FRAS1: variants seen among roughly 807,000 people sequenced by gnomAD.
FRAS1 encodes extracellular matrix organizing protein FRAS1.
Under a neutral mutation model 435.2 loss-of-function variants are expected in FRAS1, and 290 were observed. That is an observed-to-expected ratio of 0.67 (90% CI 0.61 to 0.73). The LOEUF (loss-of-function observed/expected upper bound fraction) is 0.73. Ranked by LOEUF, FRAS1 falls within the 30% of genes least tolerant of loss-of-function variation. The pLI is 0.00. For synonymous variants in FRAS1, 1,800 were observed against 1,851.0 expected (o/e 0.97, Z 0.71); for missense variants, 4,860 against 5,001.5 (o/e 0.97, Z 0.85).
At chr4:78,263,865 A>C (rs1378240) in intron 6 of FRAS1, among the ~76,000 whole-genome samples, 146,401 of 152,284 alleles carry the variant, frequency 0.96, 70,616 homozygotes, top group East Asian at 1. Context: ...ATACATGAAT[A>C]CAACTGATCA....
intron 24 of FRAS1, 24 bp from the exon 25 acceptor site, chr4:78,374,087 G>C: frequency 6.4e-7 from 1 of 1,552,452 alleles, no homozygotes; most frequent in Non-Finnish European, 8.8e-7. Flanking sequence ...ACAGATTCCT[G>C]ATGACTTGAC....
chr4:78,298,403 T>C (rs1459860249), intron 14 of FRAS1, among the ~76,000 whole-genome samples: 1 of 151,962 alleles, frequency 6.6e-6, no homozygotes, highest in Non-Finnish European at 1.5e-5. Flanking sequence ...CACAATACAA[T>C]TTATTTTAAA....
At chr4:78,516,183 GA>G (rs1335205353) in intron 66 of FRAS1, among the ~76,000 whole-genome samples, 170 bp downstream of exon 66, 1 of 152,184 alleles carries the variant, frequency 6.6e-6, no homozygotes, top group Non-Finnish European at 1.5e-5. Context: ...TGAAGCTAGA[GA>G]AGGCCCCCAA....
chr4:78,543,231 G>A lies in FRAS1; in HGVS notation c.*2107G>A, dbSNP rs1722109975. On this transcript the variant is annotated 3_prime_UTR_variant, in exon 74 of 74. Coordinates refer to ENST00000512123, the MANE Select transcript of FRAS1 (RefSeq NM_025074.7). ...CTGGAGAGCTGATCAGCCAGGCACA[G>A]AATCTCCAGAACAACCTAGAGAGTG... The A allele has an allele frequency of 6.6e-6, 1 of 152,206 alleles. No individual in the cohort carries two copies. The highest frequency in any genetic ancestry group is 2.1e-4 in the South Asian group (1 of 4,828). 9.4% of individuals were successfully genotyped at this position (152,206 alleles called of 1,614,324 possible).
chr4:78,099,167 G>A lies in FRAS1; in HGVS notation c.108+33151G>A, dbSNP rs187171860. ...GGAGAGGGGGGGCCATGGGGTGATC[G>A]AGGAAGAGCTGGTGGCCTGTGCATC... On this transcript the variant is annotated intron_variant, in intron 2 of 73. Coordinates refer to ENST00000512123, the MANE Select transcript of FRAS1 (RefSeq NM_025074.7). 2.8e-4 allele frequency among the ~76,000 whole-genome samples: 43 copies of A among 152,316 alleles called. No individual in the cohort carries two copies. The East Asian group carries it at 7.5e-3, about 27-fold the overall frequency.
At position 78,473,378 on chromosome 4, in the gene FRAS1, A is replaced by G. The variant is rs1242507212; in HGVS notation, c.7523-60A>G. On this transcript the variant is annotated intron_variant, in intron 52 of 73. Transcript: ENST00000512123. ...AATAAACTAGGTTTGTTGGTGTGGT[A>G]ATCTATGAAGCTGTCGTTACATCCC... 2.2e-6 allele frequency: 3 copies of G among 1,375,854 alleles called. No homozygotes were observed. The African/African-American group carries it at 4.3e-5, about 20-fold the overall frequency. The allele number at this position is 1,375,854 out of a possible 1,614,324, so 85.2% of individuals were successfully genotyped here. A position where few individuals can be genotyped will look rare whatever the true frequency, so the allele number is the denominator to read the frequency against.
At chr4:78,177,650 C>A (rs1324629195) in intron 2 of FRAS1, among the ~76,000 whole-genome samples, 1 of 152,154 alleles carries the variant, frequency 6.6e-6, no homozygotes, top group Non-Finnish European at 1.5e-5. Flanking sequence ...TCTGCCAGCT[C>A]TACTTGAGAT....
In FRAS1 at chr4:78,364,038, C is replaced by T; in HGVS notation, c.2706C>T (p.Asp902=). The change falls in exon 22 of 74, where the codon GAC becomes GAT. Residue 902 remains aspartate, a synonymous_variant. Coordinates refer to ENST00000512123, the MANE Select transcript of FRAS1 (RefSeq NM_025074.7). The part of the protein sequence containing the change: ...TTCFPGHYLD[D]NHVCQPCNTH... ...GCTTCCCTGGGCACTATCTTGATGA[C>T]AATCATGTTTGCCAGCGTAGGTTTT... 6.3e-7 allele frequency: 1 copy of T among 1,592,308 alleles called. No individual in the cohort carries two copies. Among genetic ancestry groups the T allele is most frequent in the Non-Finnish European group, 8.6e-7 (1 of 1,168,822 alleles).
chr4:78,057,704 T>C lies in FRAS1; in HGVS notation c.-306T>C. Reference sequence around the variant, plus strand: ...TGACCAGCAACTTTCCGGCGAGATTTTGACGCGGAGAACTGTGCTCTGCCT... The same window carrying C: ...TGACCAGCAACTTTCCGGCGAGATTCTGACGCGGAGAACTGTGCTCTGCCT... On this transcript the variant is annotated 5_prime_UTR_variant, in exon 1 of 74. Transcript: ENST00000512123. This position sits in a 1 kb window ranked among gnomAD's most constrained non-coding sequence, Gnocchi z 4.2. 1 of 431,340 alleles carries C rather than the reference T, an allele frequency of 2.3e-6. No homozygotes were observed. 26.7% of individuals were successfully genotyped at this position (431,340 alleles called of 1,614,324 possible). A position where few individuals can be genotyped will look rare whatever the true frequency, so the allele number is the denominator to read the frequency against.
At chr4:78,455,507 G>A (rs1719164994) in intron 47 of FRAS1, among the ~76,000 whole-genome samples, 2 of 152,262 alleles carry the variant, frequency 1.3e-5, no homozygotes, top group South Asian at 4.2e-4. Context: ...TTTATTTGGG[G>A]ACCAGAGACC....
At position 78,432,368 on chromosome 4, in the gene FRAS1, A is replaced by C. The variant is rs745484747; in HGVS notation, c.4981A>C (p.Thr1661Pro). The change falls in exon 38 of 74, where the codon ACC becomes CCC. Residue 1661 changes from threonine (T) to proline (P), a missense_variant. Coordinates refer to ENST00000512123, the MANE Select transcript of FRAS1 (RefSeq NM_025074.7). ...RRPMATGDTF[T>P]YEDVEKNALQ... ...TTTATTCTTGGAAGGTGACACTTTC[A>C]CCTATGAGGATGTTGAGAAAAATGC... 6.3e-7 allele frequency: 1 copy of C among 1,596,584 alleles called. No individual in the cohort carries two copies. Among genetic ancestry groups the C allele is most frequent in the South Asian group, 1.1e-5 (1 of 87,844 alleles).
At chr4:78,504,654 T>A (rs1720777979) in intron 61 of FRAS1, among the ~76,000 whole-genome samples, 1 of 152,212 alleles carries the variant, frequency 6.6e-6, no homozygotes, top group African/African-American at 2.4e-5. Context: ...TACAGCACAA[T>A]GATGGGTCTT....
intron 2 of FRAS1, among the ~76,000 whole-genome samples, chr4:78,070,255 GTATA>G (rs34910696): frequency 0.11 from 15,752 of 147,834 alleles, 1,047 homozygotes; most frequent in East Asian, 0.22. Flanking sequence ...GTATATAAGT[GTATA>G]TATATATATA....
chr4:78,319,128 G>A lies in FRAS1; in HGVS notation c.2137+142G>A, dbSNP rs138032191. On this transcript the variant is annotated intron_variant, in intron 18 of 73. Coordinates refer to ENST00000512123, the MANE Select transcript of FRAS1 (RefSeq NM_025074.7). ...CTTGTGAATAAAGCAGGAGACCAAC[G>A]TGCAAAAGAGTAGCCCCCACCAATA... 57 of 788,074 alleles carry A rather than the reference G, an allele frequency of 7.2e-5. No individual in the cohort carries two copies. In the East Asian group the frequency reaches 9.9e-4, roughly 14 times the overall value. The allele number at this position is 788,074 out of a possible 1,614,324, so 48.8% of individuals were successfully genotyped here.
chr4:78,176,206 G>A (rs1433685291), intron 2 of FRAS1, among the ~76,000 whole-genome samples: 1 of 152,164 alleles, frequency 6.6e-6, no homozygotes, highest in African/African-American at 2.4e-5. Flanking sequence ...CAACATCTAT[G>A]CAAATTGGCA....
Position 78,057,569 on chromosome 4 carries a change from G to GT in FRAS1, c.-441_-440insT. 1 of 165,344 alleles carries GT rather than the reference G, an allele frequency of 6.0e-6. No homozygotes were observed. Among genetic ancestry groups the GT allele is most frequent in the Non-Finnish European group, 1.3e-5 (1 of 76,916 alleles). The allele number at this position is 165,344 out of a possible 1,614,324, so 10.2% of individuals were successfully genotyped here. ...GCAACGCCGACGTATGGTGCCAAGCGAACTTTAAAAAGCTGCTTCGGACAA... is the reference window on the plus strand; with the variant it reads ...GCAACGCCGACGTATGGTGCCAAGCGTAACTTTAAAAAGCTGCTTCGGACAA... On this transcript the variant is annotated 5_prime_UTR_variant, in exon 1 of 74. It introduces an in-frame stop codon into an upstream open reading frame of the 5' UTR. Coordinates refer to ENST00000512123, the MANE Select transcript of FRAS1 (RefSeq NM_025074.7). The surrounding 1 kb of genome is among the most constrained non-coding windows in gnomAD (Gnocchi z 4.2).
intron 2 of FRAS1, among the ~76,000 whole-genome samples, chr4:78,203,435 A>C (rs879567869): frequency 1.3e-5 from 2 of 152,202 alleles, no homozygotes; most frequent in African/African-American, 4.8e-5. Context: ...TTTTGTGGCC[A>C]TTTTTGGTCA....
chr4:78,151,965 C>A (rs894988920), intron 2 of FRAS1, among the ~76,000 whole-genome samples: 1 of 152,096 alleles, frequency 6.6e-6, no homozygotes, highest in Non-Finnish European at 1.5e-5. Context: ...TAAGGCAGTG[C>A]GTGCCTTTGC....
In FRAS1 at chr4:78,418,958, G is replaced by A. The variant is rs1733656633; in HGVS notation, c.4435G>A (p.Asp1479Asn). The change falls in exon 33 of 74, where the codon GAT becomes AAT. Residue 1479 changes from aspartate (D) to asparagine (N), a missense_variant. Asp to Asn is a conservative substitution (Grantham distance 23). Transcript: ENST00000512123. ...CTTAAACTTTGTTTAGGCTAGAGAA[G>A]ATGGCCTGACTGTTATTCAGCCTCA... The part of the protein sequence containing the change: ...EASLHMTARE[D>N]GLTVIQPHSL... 1 of 1,597,650 alleles carries A rather than the reference G, an allele frequency of 6.3e-7. No individual in the cohort carries two copies. Among genetic ancestry groups the A allele is most frequent in the Non-Finnish European group, 8.5e-7 (1 of 1,170,376 alleles).
Sources: gnomAD v4.1 joint callset for allele counts (sites outside exome capture counted in the v4.1 genomes callset) on GRCh38, gnomAD v4.1.1 for gene constraint, Gnocchi (gnomAD v3.1) non-coding constraint, MANE v1.5 for transcripts, NCBI Gene and HGNC (gene_info 2026-07-23, HGNC 2026-07-21) for gene names.